Variants in GRHL3 observed in about 807,000 individuals in gnomAD.
GRHL3 encodes the protein grainyhead like transcription factor 3.
Under a neutral mutation model 70.3 loss-of-function variants are expected in GRHL3, and 20 were observed. That is an observed-to-expected ratio of 0.28 (90% CI 0.20 to 0.41). The LOEUF is 0.41. GRHL3 is among the 10% of genes least tolerant of loss of function. GRHL3 has a pLI of 1.00. For synonymous variants in GRHL3, 299 were observed against 299.9 expected, an observed-to-expected ratio of 1.00 and a Z score of 0.03; for missense variants, 637 against 762.3, an observed-to-expected ratio of 0.84 and a Z score of 1.94.
downstream of GRHL3, chr1:24,357,802 A>G: frequency 3.7e-6 from 1 of 267,374 alleles, no homozygotes; most frequent in Non-Finnish European, 7.4e-6. Flanking sequence ...TAGACAGGCC[A>G]TGTGGACTCC....
intron 15 of GRHL3, among the ~76,000 whole-genome samples, chr1:24,360,347 G>T (rs1462348716): frequency 6.6e-6 from 1 of 152,166 alleles, no homozygotes; most frequent in African/African-American, 2.4e-5. Flanking sequence ...TACTTGGGAG[G>T]CTGAGGCATG....
intron 1 of GRHL3, among the ~76,000 whole-genome samples, chr1:24,330,257 A>G (rs995195463): frequency 2.0e-5 from 3 of 152,196 alleles, no homozygotes; most frequent in Non-Finnish European, 2.9e-5. Context: ...ATCCTGAAGT[A>G]TACACTACAT....
In GRHL3 at chr1:24,334,140, G is replaced by C. The variant is rs1639707767; in HGVS notation, c.205-505G>C. The stretch of plus-strand genomic sequence containing the variant: ...TTGGGGCTCAGACTAATCATAGCTA[G>C]AGCTCCAGCCAGTGGGAAGGACTGG... On this transcript the variant is annotated intron_variant, in intron 2 of 15. Transcript: ENST00000361548. This position sits in a 1 kb window ranked among gnomAD's most constrained non-coding sequence, Gnocchi z 4.3. 6.6e-6 allele frequency among the ~76,000 whole-genome samples: 1 copy of C among 152,196 alleles called. No homozygotes were observed. Among genetic ancestry groups the C allele is most frequent in the Non-Finnish European group, 1.5e-5 (1 of 68,048 alleles).
chr1:24,324,517 C>T (rs751602897), intron 1 of GRHL3, among the ~76,000 whole-genome samples: 1 of 152,200 alleles, frequency 6.6e-6, no homozygotes. Flanking sequence ...TATGTGCTGG[C>T]ACTATGCTGA....
chr1:24,358,203 G>A (rs892838647), downstream of GRHL3: 12 of 539,396 alleles, frequency 2.2e-5, no homozygotes, highest in Middle Eastern at 5.6e-4. Context: ...TGAAGTCTGC[G>A]CTTCAGGAGT....
chr1:24,319,819 A>G, intron 1 of GRHL3: 2 of 1,187,812 alleles, frequency 1.7e-6, no homozygotes, highest in South Asian at 1.6e-5. Flanking sequence ...GCAGGGAAAC[A>G]CAAGACTGAA....
intron 3 of GRHL3, among the ~76,000 whole-genome samples, chr1:24,336,037 T>C (rs1336199021): frequency 6.6e-6 from 1 of 152,166 alleles, no homozygotes; most frequent in African/African-American, 2.4e-5. Flanking sequence ...TTGGGGTACA[T>C]CCTTCCAGAT....
At position 24,342,935 on chromosome 1, in the gene GRHL3, G is replaced by A. The variant is rs201769543; in HGVS notation, c.1329G>A (p.Thr443=). The change falls in exon 11 of 16, where the codon ACG becomes ACA. Residue 443 remains threonine, a synonymous_variant. Coordinates refer to ENST00000361548, the MANE Select transcript of GRHL3 (RefSeq NM_198173.3). This position sits in a 1 kb window ranked among gnomAD's most constrained non-coding sequence, Gnocchi z 4.8. ...CLLSGFRGNE[T]TYLRPETDLE... The stretch of plus-strand genomic sequence containing the variant: ...TGTCGGGCTTCAGGGGCAATGAGAC[G>A]ACCTACCTTCGGCCAGAGACTGACC... The A allele has an allele frequency of 4.2e-5, 68 of 1,614,154 alleles. No individual in the cohort carries two copies. Among genetic ancestry groups the A allele is most frequent in the East Asian group, 2.0e-4 (9 of 44,880 alleles).
At chr1:24,339,534 C>T (rs1325756554) in intron 7 of GRHL3, 134 bp from the exon 8 acceptor site, 2 of 568,422 alleles carry the variant, frequency 3.5e-6, no homozygotes, top group Non-Finnish European at 6.5e-6. Context: ...CTGCCTCGGC[C>T]TCCCAAAGTG....
chr1:24,329,875 A>G (rs111369400), intron 1 of GRHL3, among the ~76,000 whole-genome samples: 1 of 152,282 alleles, frequency 6.6e-6, no homozygotes, highest in Non-Finnish European at 1.5e-5. Flanking sequence ...ATTGAACACA[A>G]CTAGAACTTT....
At position 24,336,374 on chromosome 1, in the gene GRHL3, A is replaced by G. The variant is rs1306219697; in HGVS notation, c.267-108A>G. On this transcript the variant is annotated intron_variant, in intron 3 of 15. Transcript: ENST00000361548. ...TTTCGTGCATGCTGGATGGACCTAA[A>G]CATTACACTGGATCAAAGGCCAGTG... 2.2e-5 allele frequency: 16 copies of G among 722,202 alleles called. No individual in the cohort carries two copies. In the East Asian group the frequency reaches 3.5e-4, roughly 16 times the overall value. The allele number at this position is 722,202 out of a possible 1,614,324, so 44.7% of individuals were successfully genotyped here.
At chr1:24,354,101 C>T (rs1640621733) in intron 15 of GRHL3, among the ~76,000 whole-genome samples, 1 of 152,172 alleles carries the variant, frequency 6.6e-6, no homozygotes, top group African/African-American at 2.4e-5. Flanking sequence ...CTCGGGTGTA[C>T]CAGGAGAGAG....
intron 1 of GRHL3, among the ~76,000 whole-genome samples, chr1:24,324,167 G>A (rs1440657758): frequency 1.3e-5 from 2 of 152,158 alleles, no homozygotes; most frequent in African/African-American, 4.8e-5. Flanking sequence ...GACACCAAGA[G>A]GAGAATATAG....
rs377293931 is a variant in GRHL3 at position 24,342,349 on chromosome 1, A to C, written c.1206+76A>C. The C allele has an allele frequency of 1.1e-4, 139 of 1,288,874 alleles. 1 individual carries two copies. The East Asian group carries it at 3.1e-3, about 28-fold the overall frequency. 79.8% of individuals were successfully genotyped at this position (1,288,874 alleles called of 1,614,324 possible). A position where few individuals can be genotyped will look rare whatever the true frequency, so the allele number is the denominator to read the frequency against. On this transcript the variant is annotated intron_variant, in intron 9 of 15. Transcript: ENST00000361548. The surrounding 1 kb of genome is among the most constrained non-coding windows in gnomAD (Gnocchi z 4.8). ...CAAACCCTGACCCGTGCGTCCTCCT[A>C]GCTTCTCTGGGTTGTCTGTCTCTCT...
chr1:24,350,219 G>T (rs1640451322), intron 15 of GRHL3, 97 bp downstream of exon 15: 1 of 984,518 alleles, frequency 1.0e-6, no homozygotes, highest in South Asian at 1.6e-5. Context: ...GTGGAGTTGG[G>T]GTGGAGAGCT....
In GRHL3 at chr1:24,331,492, G is replaced by A. The variant is rs1639612371; in HGVS notation, c.84G>A (p.Glu28=). ...TGCAGAAATTCTCTTACACTAGTGA[G>A]GATGAGGCCTGGAAGACGTACCTAG... ...VNLQKFSYTS[E]DEAWKTYLEN... The change falls in exon 2 of 16, where the codon GAG becomes GAA. Residue 28 remains glutamate, a synonymous_variant. Coordinates refer to ENST00000361548, the MANE Select transcript of GRHL3 (RefSeq NM_198173.3). 6.2e-7 allele frequency: 1 copy of A among 1,614,106 alleles called. No homozygotes were observed. Among genetic ancestry groups the A allele is most frequent in the Non-Finnish European group, 8.5e-7 (1 of 1,179,996 alleles).
At chr1:24,348,300 G>A (rs1009911094) in intron 14 of GRHL3, among the ~76,000 whole-genome samples, 14 of 152,192 alleles carry the variant, frequency 9.2e-5, no homozygotes, top group African/African-American at 3.1e-4. Context: ...CCTGAAAAGT[G>A]GGTACTATTC....
Position 24,342,885 on chromosome 1 carries a change from C to T in GRHL3, c.1286-7C>T, listed in dbSNP as rs1640101867. ...CTCGGGGCACATTGGCTTCCTTCTC[C>T]CATCAGGCGTCAAGGGCTGCCTGCT... On this transcript the variant is annotated splice_polypyrimidine_tract_variant and splice_region_variant and intron_variant, in intron 10 of 15. Transcript: ENST00000361548. The surrounding 1 kb of genome is among the most constrained non-coding windows in gnomAD (Gnocchi z 4.8). The T allele has an allele frequency of 6.2e-7, 1 of 1,614,076 alleles. No homozygotes were observed.
intron 14 of GRHL3, among the ~76,000 whole-genome samples, chr1:24,348,420 G>C (rs2148664915): frequency 6.6e-6 from 1 of 152,312 alleles, no homozygotes; most frequent in East Asian, 1.9e-4. Context: ...CTCTCCTCAT[G>C]CTACTCGGCT....
Sources: allele counts gnomAD v4.1 joint callset (sites outside exome capture counted in the v4.1 genomes callset), GRCh38; gene constraint gnomAD v4.1.1; non-coding constraint Gnocchi (gnomAD v3.1); transcripts MANE v1.5; gene names NCBI Gene and HGNC (gene_info 2026-07-23, HGNC 2026-07-21).